CLEC4C: variants seen among roughly 807,000 people sequenced by gnomAD.
CLEC4C encodes the protein C-type (calcium dependent, carbohydrate-recognition domain) lectin, superfamily member 11.
Under a neutral mutation model 27.7 loss-of-function variants are expected in CLEC4C, and 17 were observed. The observed-to-expected ratio is 0.61, with a 90% confidence interval of 0.42 to 0.92. The LOEUF (loss-of-function observed/expected upper bound fraction) is 0.92, where lower values mean the gene tolerates loss of function less well. Ranked by LOEUF, CLEC4C falls within the 40% of genes least tolerant of loss-of-function variation. The probability of loss-of-function intolerance (pLI) is 0.00; values close to 1 mark genes in which losing one functional copy is unlikely to be tolerated. For missense variants in CLEC4C, 244 were observed against 257.3 expected (o/e 0.95, Z 0.35); for synonymous variants, 80 against 80.8 (o/e 0.99, Z 0.06).
intron 2 of CLEC4C, among the ~76,000 whole-genome samples, chr12:7,744,377 T>A (rs993721683): frequency 1.3e-5 from 2 of 152,224 alleles, no homozygotes; most frequent in African/African-American, 4.8e-5. Flanking sequence ...GACTGTATCA[T>A]CAACACATTT....
intron 4 of CLEC4C, 32 bp downstream of exon 4, chr12:7,737,397 A>G: frequency 7.1e-6 from 11 of 1,560,238 alleles, no homozygotes; most frequent in Non-Finnish European, 9.6e-6. Context: ...AAGGAAACAG[A>G]TTAGCTGACC....
chr12:7,738,453 T>G (rs1439438028), intron 3 of CLEC4C, among the ~76,000 whole-genome samples: 2 of 152,182 alleles, frequency 1.3e-5, no homozygotes, highest in East Asian at 3.8e-4. Flanking sequence ...ATGTAGACCA[T>G]ATCAAAATGT....
chr12:7,748,265 T>C (rs914574744), upstream of CLEC4C, among the ~76,000 whole-genome samples: 3 of 152,176 alleles, frequency 2.0e-5, no homozygotes, highest in Admixed American at 6.6e-5. Flanking sequence ...CGGTGGCTCA[T>C]GCCTATAATC....
chr12:7,743,761 T>C (rs1231874252), intron 2 of CLEC4C, among the ~76,000 whole-genome samples: 1 of 152,206 alleles, frequency 6.6e-6, no homozygotes, highest in African/African-American at 2.4e-5. Flanking sequence ...TTCTTGCATG[T>C]CTTCTTTCCT....
upstream of CLEC4C, among the ~76,000 whole-genome samples, chr12:7,748,714 C>A (rs928272637): frequency 1.3e-5 from 2 of 152,082 alleles, no homozygotes; most frequent in African/African-American, 4.8e-5. Flanking sequence ...CTGTTGCTTT[C>A]CTCTGTCTTG....
At chr12:7,730,045 C>T (rs1864559440) in intron 5 of CLEC4C, among the ~76,000 whole-genome samples, 1 of 152,174 alleles carries the variant, frequency 6.6e-6, no homozygotes, top group African/African-American at 2.4e-5. Context: ...GTTTAGCCAT[C>T]CCTATGTCCA....
chr12:7,737,393 A>T, intron 4 of CLEC4C, 36 bp downstream of exon 4: 1 of 1,536,522 alleles, frequency 6.5e-7, no homozygotes, highest in Non-Finnish European at 8.8e-7. Flanking sequence ...AAGAAAGGAA[A>T]CAGATTAGCT....
intron 2 of CLEC4C, among the ~76,000 whole-genome samples, chr12:7,742,810 A>AAAATAAATAAAT (rs71038739): frequency 1.7e-4 from 25 of 145,230 alleles, no homozygotes; most frequent in East Asian, 4.1e-4. Context: ...CTCCATCTCA[A>AAAATAAATAAAT]AAATAAATAA....
At chr12:7,746,624 T>C (rs1297318104) in intron 1 of CLEC4C, among the ~76,000 whole-genome samples, 1 of 152,098 alleles carries the variant, frequency 6.6e-6, no homozygotes, top group Non-Finnish European at 1.5e-5. Flanking sequence ...CCAAGACAAA[T>C]CCAGGCAAAA....
At chr12:7,747,473 C>A, upstream of CLEC4C, 1 of 883,228 alleles carries the variant, frequency 1.1e-6, no homozygotes, top group South Asian at 1.4e-5. Context: ...TTAGATCCTT[C>A]TTCGCCTACT....
Position 7,729,505 on chromosome 12 carries a change from G to T in CLEC4C, c.*91C>A, listed in dbSNP as rs1864538805. 2.4e-6 allele frequency: 3 copies of T among 1,238,140 alleles called. No homozygotes were observed. In the East Asian group the frequency reaches 7.0e-5, roughly 29 times the overall value. The allele number at this position is 1,238,140 out of a possible 1,614,324, so 76.7% of individuals were successfully genotyped here. ...CTGAAACATTTTAGGGGCATTCCTTGTACAAAACTTACACATAAATTAAAA... is the reference window on the plus strand; with the variant it reads ...CTGAAACATTTTAGGGGCATTCCTTTTACAAAACTTACACATAAATTAAAA... On this transcript the variant is annotated 3_prime_UTR_variant, in exon 6 of 6. Coordinates refer to ENST00000360345, the MANE Select transcript of CLEC4C (RefSeq NM_001371390.1).
upstream of CLEC4C, chr12:7,747,401 T>C: frequency 1.3e-6 from 2 of 1,565,828 alleles, no homozygotes; most frequent in Non-Finnish European, 1.8e-6. Flanking sequence ...GCAGAAGCTC[T>C]TGTATCACTT....
chr12:7,748,960 A>T (rs1021688497), upstream of CLEC4C, among the ~76,000 whole-genome samples: 4 of 152,206 alleles, frequency 2.6e-5, no homozygotes, highest in South Asian at 8.3e-4. Flanking sequence ...TGAAGAGGAT[A>T]AATCTAGATA....
Position 7,737,440 on chromosome 12 carries a change from T to C in CLEC4C, c.370A>G (p.Arg124Gly), listed in dbSNP as rs763926863. 1 of 1,612,264 alleles carries C rather than the reference T, an allele frequency of 6.2e-7. No individual in the cohort carries two copies. Among genetic ancestry groups the C allele is most frequent in the Admixed American group, 1.7e-5 (1 of 59,838 alleles). The change falls in exon 4 of 6, where the codon AGG (arginine) becomes GGG (glycine). Residue 124 changes from arginine (R) to glycine (G), a missense_variant. Coordinates refer to ENST00000360345, the MANE Select transcript of CLEC4C (RefSeq NM_001371390.1). Reference protein sequence around the residue: ...MGADLVVINTREEQDFIIQNL... With the variant: ...MGADLVVINTGEEQDFIIQNL... ...CTGTTAGAACATACCTGTTCTTCCC[T>C]GGTGTTGATCACCACCAGATCAGCC...
At chr12:7,747,922 CAAAA>C (rs36046177), upstream of CLEC4C, among the ~76,000 whole-genome samples, 1 of 104,914 alleles carries the variant, frequency 9.5e-6, no homozygotes, top group Non-Finnish European at 1.8e-5. Context: ...ACTCCATCTC[CAAAA>C]AAAAAAAAAA....
intron 3 of CLEC4C, among the ~76,000 whole-genome samples, chr12:7,738,126 A>C (rs1592093644): frequency 6.6e-6 from 1 of 152,330 alleles, no homozygotes; most frequent in East Asian, 1.9e-4. Context: ...TATAGATATA[A>C]ATATCATTTA....
intron 4 of CLEC4C, among the ~76,000 whole-genome samples, chr12:7,731,580 C>T (rs1864595606): frequency 1.3e-5 from 2 of 152,126 alleles, no homozygotes; most frequent in South Asian, 2.1e-4. Context: ...AAGGAGAAGA[C>T]CCAGGAGTAG....
chr12:7,735,566 G>A (rs1183229981), intron 4 of CLEC4C, among the ~76,000 whole-genome samples: 1 of 148,748 alleles, frequency 6.7e-6, no homozygotes, highest in Non-Finnish European at 1.5e-5. Context: ...CAGCACTTTG[G>A]GAGACCGAGG....
At position 7,739,234 on chromosome 12, in the gene CLEC4C, T is replaced by G. The variant is rs776424834; in HGVS notation, c.236-1660A>C. 4.6e-3 allele frequency among the ~76,000 whole-genome samples: 703 copies of G among 151,762 alleles called. 4 individuals are homozygous for G. Among genetic ancestry groups the G allele is most frequent in the African/African-American group, 0.016 (665 of 41,382 alleles). On this transcript the variant is annotated intron_variant, in intron 3 of 5. Transcript: ENST00000360345. ...TTCAAGCAATTCTCCTGCCTCAGCC[T>G]CCGGAGTAGCTGGGACTACAGGTGC...
Sources: gnomAD v4.1 joint callset for allele counts (sites outside exome capture counted in the v4.1 genomes callset) on GRCh38, gnomAD v4.1.1 for gene constraint, MANE v1.5 for transcripts, NCBI Gene and HGNC (gene_info 2026-07-23, HGNC 2026-07-21) for gene names.